Variants in PPARGC1A observed in about 807,000 individuals in gnomAD.
The protein encoded by PPARGC1A is peroxisome proliferator-activated receptor gamma coactivator 1-alpha.
Under a neutral mutation model 88.7 loss-of-function variants are expected in PPARGC1A, and 25 were observed. The ratio of observed to expected loss-of-function variants is 0.28; its 90% CI spans 0.21 to 0.39. PPARGC1A has a LOEUF of 0.39. PPARGC1A is among the 10% of genes least tolerant of loss of function. The pLI, the probability that PPARGC1A is intolerant of heterozygous loss-of-function variation, is 1.00. For synonymous variants in PPARGC1A, 363 were observed against 355.6 expected, an observed-to-expected ratio of 1.02 and a Z score of -0.24; for missense variants, 880 against 968.7, an observed-to-expected ratio of 0.91 and a Z score of 1.22.
At chr4:24,230,972 A>C in the PPARGC1A span, among the ~76,000 whole-genome samples, 16 of 148,064 alleles carry the variant, frequency 1.1e-4, no homozygotes, top group Admixed American at 8.0e-4. Context: ...AAAAAGACGA[A>C]GAAGAAGAAG....
At chr4:23,926,535 C>T in the PPARGC1A span, among the ~76,000 whole-genome samples, 12 of 152,298 alleles carry the variant, frequency 7.9e-5, no homozygotes, top group Middle Eastern at 3.4e-3. Context: ...CTAGAGAAAG[C>T]GCTTGAACAT....
the PPARGC1A span, among the ~76,000 whole-genome samples, chr4:24,342,269 A>G: frequency 6.6e-6 from 1 of 152,130 alleles, no homozygotes; most frequent in African/African-American, 2.4e-5. Flanking sequence ...ACATTGGCTA[A>G]TTCAAGTTTC....
At chr4:23,858,398 C>T (rs887188778) in intron 2 of PPARGC1A, among the ~76,000 whole-genome samples, 4 of 152,002 alleles carry the variant, frequency 2.6e-5, no homozygotes, top group African/African-American at 4.8e-5. Context: ...CACTATTTTA[C>T]AAAAGGAGAA....
At chr4:23,904,300 G>A (rs536882968), upstream of PPARGC1A, among the ~76,000 whole-genome samples, 4 of 152,320 alleles carry the variant, frequency 2.6e-5, no homozygotes, top group East Asian at 7.7e-4. Context: ...CAGCAATTGA[G>A]ACAGGTGGTT....
the PPARGC1A span, among the ~76,000 whole-genome samples, chr4:24,036,304 A>T: frequency 6.6e-6 from 1 of 152,214 alleles, no homozygotes; most frequent in Non-Finnish European, 1.5e-5. Context: ...GAATGTAAAT[A>T]ATTTCAACCA....
the PPARGC1A span, among the ~76,000 whole-genome samples, chr4:24,081,333 T>C: frequency 2.0e-5 from 3 of 152,248 alleles, no homozygotes; most frequent in African/African-American, 7.2e-5. Context: ...TATTTAAGGC[T>C]CATCTTGGCA....
chr4:24,040,403 C>T, the PPARGC1A span, among the ~76,000 whole-genome samples: 1 of 152,298 alleles, frequency 6.6e-6, no homozygotes, highest in African/African-American at 2.4e-5. Context: ...TAATCAAATG[C>T]TAATTTAGCA....
In PPARGC1A at chr4:23,795,722, G is replaced by A; in HGVS notation, c.*100C>T. 3.5e-6 allele frequency: 3 copies of A among 850,400 alleles called. No individual in the cohort carries two copies. The South Asian group carries it at 5.1e-5, about 14-fold the overall frequency. 52.7% of individuals were successfully genotyped at this position (850,400 alleles called of 1,614,324 possible). A position where few individuals can be genotyped will look rare whatever the true frequency, so the allele number is the denominator to read the frequency against. ...GTTTTTGTACAGAGAGTGTAAAGTA[G>A]GAGAAATTCCTAAGTATGACTTGCA... On this transcript the variant is annotated 3_prime_UTR_variant, in exon 13 of 13. Transcript: ENST00000264867.
chr4:24,030,180 G>A, the PPARGC1A span, among the ~76,000 whole-genome samples: 1 of 152,236 alleles, frequency 6.6e-6, no homozygotes, highest in African/African-American at 2.4e-5. Flanking sequence ...CAGCCAGTAT[G>A]TGATTGGTTG....
chr4:24,176,874 C>T, the PPARGC1A span, among the ~76,000 whole-genome samples: 4,040 of 152,256 alleles, frequency 0.027, 111 homozygotes, highest in African/African-American at 0.063. Context: ...TGCACAGAAA[C>T]CAGTTAAAGG....
chr4:23,901,348 C>A (rs1425828318), upstream of PPARGC1A, among the ~76,000 whole-genome samples: 9 of 137,170 alleles, frequency 6.6e-5, no homozygotes, highest in African/African-American at 2.5e-4. Flanking sequence ...CCAGCCTAGG[C>A]GACACAGCAA....
the PPARGC1A span, among the ~76,000 whole-genome samples, chr4:24,176,586 A>G: frequency 5.9e-5 from 9 of 152,150 alleles, no homozygotes; most frequent in Admixed American, 1.3e-4. Flanking sequence ...ATTGAAAAAC[A>G]TGTTTCCTGG....
At chr4:23,800,858 A>C (rs1271566018) in intron 12 of PPARGC1A, among the ~76,000 whole-genome samples, 1 of 151,814 alleles carries the variant, frequency 6.6e-6, no homozygotes, top group African/African-American at 2.4e-5. Context: ...TGATAGTAAT[A>C]ATATACACCT....
chr4:24,275,428 C>CTATT, the PPARGC1A span, among the ~76,000 whole-genome samples: 1 of 152,060 alleles, frequency 6.6e-6, no homozygotes, highest in African/African-American at 2.4e-5. Flanking sequence ...ATTTAATATC[C>CTATT]TATTTATTTA....
the PPARGC1A span, among the ~76,000 whole-genome samples, chr4:24,035,881 T>C: frequency 1.3e-5 from 2 of 152,224 alleles, no homozygotes; most frequent in Admixed American, 6.5e-5. Flanking sequence ...GAAGTTACTA[T>C]TCATAAGCTT....
chr4:24,173,603 A>G, the PPARGC1A span, among the ~76,000 whole-genome samples: 1 of 152,174 alleles, frequency 6.6e-6, no homozygotes, highest in Non-Finnish European at 1.5e-5. Context: ...ATGAGACTAC[A>G]TCTGAACCCA....
chr4:23,810,257 C>T (rs1388206440), intron 10 of PPARGC1A, among the ~76,000 whole-genome samples: 3 of 152,108 alleles, frequency 2.0e-5, no homozygotes, highest in Non-Finnish European at 2.9e-5. Context: ...AAAACAAAAG[C>T]GAATTTTAAA....
rs994022617 is a variant in PPARGC1A at position 23,884,855 on chromosome 4, T to C, written c.131A>G (p.Asn44Ser). ...PELDLSELDV[N>S]DLDTDSFLGG... Reference sequence around the variant, plus strand: ...CAGAAAGCTGTCTGTATCCAAGTCGTTCACATCTAGTTCAGAAAGATCAAG... The same window carrying C: ...CAGAAAGCTGTCTGTATCCAAGTCGCTCACATCTAGTTCAGAAAGATCAAG... Residue 44 changes from asparagine (N) to serine (S), a missense_variant, in exon 2 of 13, where the codon AAC (asparagine) becomes AGC (serine). Asn to Ser is a conservative substitution (Grantham distance 46, BLOSUM62 1). Coordinates refer to ENST00000264867, the MANE Select transcript of PPARGC1A (RefSeq NM_013261.5). 8 of 1,613,876 alleles carry C rather than the reference T, an allele frequency of 5.0e-6. No individual in the cohort carries two copies. In the Admixed American group the frequency reaches 5.0e-5, roughly 10 times the overall value.
the PPARGC1A span, among the ~76,000 whole-genome samples, chr4:24,022,064 G>A: frequency 6.6e-6 from 1 of 152,286 alleles, no homozygotes; most frequent in South Asian, 2.1e-4. Context: ...GTGTGAGAAG[G>A]TACCTGGCTG....
Sources: allele counts gnomAD v4.1 joint callset (sites outside exome capture counted in the v4.1 genomes callset), GRCh38; gene constraint gnomAD v4.1.1; transcripts MANE v1.5; gene names NCBI Gene and HGNC (gene_info 2026-07-23, HGNC 2026-07-21).